SLC22A23: variants seen among roughly 807,000 people sequenced by gnomAD.
The protein encoded by SLC22A23 is solute carrier family 22 member 23, also known as ion transporter protein.
Under a neutral mutation model 61.0 loss-of-function variants are expected in SLC22A23, and 26 were observed. The observed-to-expected ratio is 0.43, with a 90% CI of 0.31 to 0.59. The LOEUF (loss-of-function observed/expected upper bound fraction) is 0.59, where lower values mean the gene tolerates loss of function less well. Among genes scored for constraint, SLC22A23 ranks in the 20% least tolerant of loss-of-function variants. SLC22A23 has a pLI of 0.11. For missense variants in SLC22A23, 796 were observed against 934.7 expected (o/e 0.85, Z 1.94); for synonymous variants, 430 against 413.9 (o/e 1.04, Z -0.47).
Position 3,416,000 on chromosome 6 carries a change from C to T in SLC22A23, c.655-145G>A, listed in dbSNP as rs1367278917. On this transcript the variant is annotated intron_variant, in intron 1 of 9. Coordinates refer to ENST00000406686, the MANE Select transcript of SLC22A23 (RefSeq NM_015482.2). ...CATATACACCAGTCAGAGTCTCTTC[C>T]ATGGTTTTGAAAATCCAATGAGACA... The T allele has an allele frequency of 1.5e-5, 9 of 589,224 alleles. No individual in the cohort carries two copies. The Admixed American group carries it at 1.9e-4, about 12-fold the overall frequency. 36.5% of individuals were successfully genotyped at this position (589,224 alleles called of 1,614,324 possible).
chr6:3,434,524 G>A lies in SLC22A23; in HGVS notation c.655-18669C>T, dbSNP rs141751230. 7.0e-3 allele frequency among the ~76,000 whole-genome samples: 1,066 copies of A among 151,664 alleles called. 20 individuals are homozygous for A. Among genetic ancestry groups the A allele is most frequent in the African/African-American group, 0.025 (1,022 of 41,314 alleles). On this transcript the variant is annotated intron_variant, in intron 1 of 9. Transcript: ENST00000406686. Reference sequence around the variant, plus strand: ...CTCAGGAGGCTGAGGCAGGAGAATCGCTTGAATCTGGGAGGTGGAGGTTGC... The same window carrying A: ...CTCAGGAGGCTGAGGCAGGAGAATCACTTGAATCTGGGAGGTGGAGGTTGC...
chr6:3,434,812 G>T (rs1771100451), intron 1 of SLC22A23, among the ~76,000 whole-genome samples: 1 of 152,126 alleles, frequency 6.6e-6, no homozygotes, highest in Admixed American at 6.5e-5. Context: ...GGGGGCATTT[G>T]ATCGTATCCT....
Position 3,322,770 on chromosome 6 carries a change from G to A in SLC22A23, c.1082+1064C>T, listed in dbSNP as rs1434725341. On this transcript the variant is annotated intron_variant, in intron 4 of 9. Transcript: ENST00000406686. This position sits in a 1 kb window ranked among gnomAD's most constrained non-coding sequence, Gnocchi z 4.1. ...GTGCTTTCTTCCCTCCCGGGCACCT[G>A]AGCAAAGGAAGCTCAGCTCCAGTGA... Among the ~76,000 whole-genome samples the A allele has an allele frequency of 6.6e-6, 1 of 152,182 alleles. No individual in the cohort carries two copies. Among genetic ancestry groups the A allele is most frequent in the Non-Finnish European group, 1.5e-5 (1 of 68,026 alleles).
At chr6:3,425,962 G>C (rs1770461070) in intron 1 of SLC22A23, among the ~76,000 whole-genome samples, 1 of 152,130 alleles carries the variant, frequency 6.6e-6, no homozygotes, top group South Asian at 2.1e-4. Context: ...CATTTGTCTG[G>C]ACAAATATTC....
At chr6:3,404,176 C>T (rs1768633357) in intron 3 of SLC22A23, among the ~76,000 whole-genome samples, 1 of 152,046 alleles carries the variant, frequency 6.6e-6, no homozygotes, top group Non-Finnish European at 1.5e-5. Context: ...CCAGATATCT[C>T]CGAGTATTTG....
intron 4 of SLC22A23, among the ~76,000 whole-genome samples, chr6:3,320,992 A>C (rs1162183952): frequency 6.6e-6 from 1 of 152,220 alleles, no homozygotes; most frequent in Non-Finnish European, 1.5e-5. Flanking sequence ...CTCATACATT[A>C]ATTCACTGAT....
rs60880355 is a variant in SLC22A23, at chr6:3,414,721, C to CAAAAAAAA, written c.758+1023_758+1030dup. 5.8e-4 allele frequency among the ~76,000 whole-genome samples: 52 copies of CAAAAAAAA among 89,500 alleles called. No homozygotes were observed. The highest frequency in any genetic ancestry group is 2.1e-3 in the African/African-American group (48 of 22,832). The allele number at this position is 89,500 out of a possible 152,430, so 58.7% of individuals were successfully genotyped here. A position where few individuals can be genotyped will look rare whatever the true frequency, so the allele number is the denominator to read the frequency against. Reference sequence around the variant, plus strand: ...TCAAGGCCAAGATGTCTCGATTCACCAAAAAAAAAAAAAAAAAAAAAAATC... The same window carrying CAAAAAAAA: ...TCAAGGCCAAGATGTCTCGATTCACCAAAAAAAAAAAAAAAAAAAAAAAAAAAAAAATC... On this transcript the variant is annotated intron_variant, in intron 2 of 9. Transcript: ENST00000406686. The surrounding 1 kb of genome is among the most constrained non-coding windows in gnomAD (Gnocchi z 5.1).
intron 1 of SLC22A23, among the ~76,000 whole-genome samples, chr6:3,424,325 T>C (rs1441765589): frequency 6.6e-6 from 1 of 152,234 alleles, no homozygotes; most frequent in East Asian, 1.9e-4. Flanking sequence ...ATGCCTGCTT[T>C]AAAGGACAAA....
chr6:3,404,849 G>A (rs563046120), intron 3 of SLC22A23, among the ~76,000 whole-genome samples: 1 of 152,246 alleles, frequency 6.6e-6, no homozygotes, highest in South Asian at 2.1e-4. Context: ...CGCAGGGTTA[G>A]TAATGTGTTT....
At chr6:3,396,962 C>G (rs568016203) in intron 3 of SLC22A23, among the ~76,000 whole-genome samples, 1 of 152,338 alleles carries the variant, frequency 6.6e-6, no homozygotes, top group Admixed American at 6.5e-5. Context: ...CTGACTGAGC[C>G]AACACAAGCT....
chr6:3,379,440 G>A (rs750126141), intron 3 of SLC22A23, among the ~76,000 whole-genome samples: 9 of 152,096 alleles, frequency 5.9e-5, no homozygotes, highest in Admixed American at 1.3e-4. Flanking sequence ...GCTATGGAAC[G>A]CTGTCACAGA....
chr6:3,374,392 A>G (rs1160999997), intron 3 of SLC22A23, among the ~76,000 whole-genome samples: 1 of 152,210 alleles, frequency 6.6e-6, no homozygotes, highest in East Asian at 1.9e-4. Flanking sequence ...AGAAGGAAAC[A>G]CATGGAGGAT....
Position 3,324,361 on chromosome 6 carries a change from T to C in SLC22A23, c.914-359A>G, listed in dbSNP as rs999448409. ...GTCACTGAGCTTGCTGTCCAGCACG[T>C]TCCCCCCTCGTGCCCATCCTGTCGC... On this transcript the variant is annotated intron_variant, in intron 3 of 9. Transcript: ENST00000406686. The surrounding 1 kb of genome is among the most constrained non-coding windows in gnomAD (Gnocchi z 4.3). Among the ~76,000 whole-genome samples the C allele has an allele frequency of 7.2e-5, 11 of 152,190 alleles. No individual in the cohort carries two copies. The highest frequency in any genetic ancestry group is 1.3e-4 in the Non-Finnish European group (9 of 68,030).
chr6:3,372,390 T>C lies in SLC22A23; in HGVS notation c.913+37798A>G, dbSNP rs1581772303. Among the ~76,000 whole-genome samples, 1 of 152,298 alleles carries C rather than the reference T, an allele frequency of 6.6e-6. No individual in the cohort carries two copies. Among genetic ancestry groups the C allele is most frequent in the South Asian group, 2.1e-4 (1 of 4,810 alleles). On this transcript the variant is annotated intron_variant, in intron 3 of 9. Transcript: ENST00000406686. This position sits in a 1 kb window ranked among gnomAD's most constrained non-coding sequence, Gnocchi z 4.7. ...GCCTGCAGGCTCCTCCTGCTGGCTG[T>C]GCTGGGAAGGGGGGATGGGCGTGGC...
rs370486896 is a variant in SLC22A23 at position 3,410,294 on chromosome 6, G to A, written c.807C>T (p.Ile269=). The A allele has an allele frequency of 3.1e-4, 496 of 1,613,624 alleles. 1 individual carries two copies. Among genetic ancestry groups the A allele is most frequent in the Admixed American group, 5.8e-4 (35 of 59,916 alleles). The part of the protein sequence containing the change: ...VLLFSIIFIL[I]FGLTVALSVN... ...CTGACAGTGCCACAGTCAGTCCAAA[G>A]ATCAGAATGAAGATGATGGAAAACA... The change falls in exon 3 of 10, where the codon ATC becomes ATT. Residue 269 remains isoleucine, a synonymous_variant. Transcript: ENST00000406686. The surrounding 1 kb of genome is among the most constrained non-coding windows in gnomAD (Gnocchi z 5.0).
intron 3 of SLC22A23, among the ~76,000 whole-genome samples, chr6:3,368,583 G>A (rs1217196540): frequency 6.6e-6 from 1 of 152,162 alleles, no homozygotes; most frequent in Non-Finnish European, 1.5e-5. Context: ...TCAGAGTGAT[G>A]AAAAACTGAA....
rs150729724 is a variant in SLC22A23 at position 3,327,742 on chromosome 6, T to C, written c.914-3740A>G. Among the ~76,000 whole-genome samples, 213 of 152,354 alleles carry C rather than the reference T, an allele frequency of 1.4e-3. No homozygotes were observed. The highest frequency in any genetic ancestry group is 5.0e-3 in the African/African-American group (209 of 41,588). On this transcript the variant is annotated intron_variant, in intron 3 of 9. Transcript: ENST00000406686. This position sits in a 1 kb window ranked among gnomAD's most constrained non-coding sequence, Gnocchi z 4.1. ...ATTATTTTTCCAGATTTTGGAATACTTGCATATACATAACGAGATATCTTG... is the reference window on the plus strand; with the variant it reads ...ATTATTTTTCCAGATTTTGGAATACCTGCATATACATAACGAGATATCTTG...
Position 3,284,667 on chromosome 6 carries a change from G to A in SLC22A23, c.1579+412C>T, listed in dbSNP as rs1049003787. ...ACTGTGCTGTCCCCATGGGCTGCAG[G>A]GCAGCAAGCTTACATGAGTCAAAGG... On this transcript the variant is annotated intron_variant, in intron 8 of 9. Coordinates refer to ENST00000406686, the MANE Select transcript of SLC22A23 (RefSeq NM_015482.2). 1.4e-4 allele frequency among the ~76,000 whole-genome samples: 21 copies of A among 152,230 alleles called. 1 individual carries two copies. Among genetic ancestry groups the A allele is most frequent in the African/African-American group, 5.1e-4 (21 of 41,456 alleles).
intron 3 of SLC22A23, among the ~76,000 whole-genome samples, chr6:3,365,267 A>G (rs1765732683): frequency 6.6e-6 from 1 of 152,220 alleles, no homozygotes. Context: ...GGTTGCAGTG[A>G]GCCAAGATCA....
Sources: gnomAD v4.1 joint callset for allele counts (sites outside exome capture counted in the v4.1 genomes callset) on GRCh38, gnomAD v4.1.1 for gene constraint, Gnocchi (gnomAD v3.1) non-coding constraint, MANE v1.5 for transcripts, NCBI Gene and HGNC (gene_info 2026-07-23, HGNC 2026-07-21) for gene names.